The following TENM4 variants were observed in gnomAD, a reference collection of about 807,000 sequenced individuals.
TENM4 encodes the protein teneurin-4.
TENM4 carries 82 observed loss-of-function variants against 243.3 expected under a neutral mutation model. That is an observed-to-expected ratio of 0.34 (90% CI 0.28 to 0.40). The LOEUF is 0.40. TENM4 is among the 10% of genes least tolerant of loss of function. TENM4 has a pLI of 1.00. For synonymous variants in TENM4, 1,412 were observed against 1,456.3 expected (o/e 0.97, Z 0.69); for missense variants, 3,138 against 3,673.3 (o/e 0.85, Z 3.77).
chr11:78,782,108 G>A (rs575258194), intron 16 of TENM4, among the ~76,000 whole-genome samples: 80 of 152,154 alleles, frequency 5.3e-4, no homozygotes, highest in Non-Finnish European at 9.6e-4. Context: ...GTGATTTGTG[G>A]GCTCTTGGTT....
At chr11:78,671,948 C>G in intron 31 of TENM4, 85 bp downstream of exon 31, 1 of 1,483,158 alleles carries the variant, frequency 6.7e-7, no homozygotes, top group Non-Finnish European at 9.1e-7. Flanking sequence ...AGATACAGCC[C>G]ACTGAGGCCA....
In TENM4 at chr11:78,670,117, C is replaced by T. The variant is rs759353141; in HGVS notation, c.6228G>A (p.Met2076Ile). 2.1e-5 allele frequency: 34 copies of T among 1,613,810 alleles called. No individual in the cohort carries two copies. The highest frequency in any genetic ancestry group is 2.8e-5 in the Non-Finnish European group (33 of 1,179,900). The change falls in exon 32 of 34, where the codon ATG becomes ATA. Residue 2076 changes from methionine to isoleucine, a missense_variant. By Grantham distance (10) the Met-to-Ile change is conservative. This residue lies in a region of TENM4 where 2,467 missense variants were observed against 3,059.1 expected (regional missense o/e 0.81). Coordinates refer to ENST00000278550, the MANE Select transcript of TENM4 (RefSeq NM_001098816.3). Reference protein sequence around the residue: ...RQIFRFTEEGMVNARFDYNYD... With the variant: ...RQIFRFTEEGIVNARFDYNYD... ...AGTTGTAGTCAAAACGGGCGTTGAC[C>T]ATGCCTTCCTCAGTGAAGCGGAAGA...
chr11:79,315,635 C>T (rs1856791046), intron 1 of TENM4, among the ~76,000 whole-genome samples: 1 of 152,182 alleles, frequency 6.6e-6, no homozygotes, highest in African/African-American at 2.4e-5. Context: ...AATCGTGGGT[C>T]CCACCCAGGA....
intron 6 of TENM4, among the ~76,000 whole-genome samples, chr11:78,994,066 T>C (rs1411593468): frequency 6.6e-6 from 1 of 152,210 alleles, no homozygotes; most frequent in African/African-American, 2.4e-5. Flanking sequence ...CACCATTAGA[T>C]TAGGCCTAAA....
chr11:79,193,643 A>T (rs753541348), intron 3 of TENM4, among the ~76,000 whole-genome samples: 51 of 152,200 alleles, frequency 3.4e-4, no homozygotes, highest in Non-Finnish European at 5.1e-4. Context: ...TCCACATAGC[A>T]GGGTCCCTGA....
At chr11:78,768,631 C>A (rs11821938) in intron 18 of TENM4, among the ~76,000 whole-genome samples, 2 of 152,172 alleles carry the variant, frequency 1.3e-5, no homozygotes, top group East Asian at 1.9e-4. Context: ...GAATAAACTA[C>A]GTGCAAGCTC....
intron 3 of TENM4, among the ~76,000 whole-genome samples, chr11:79,184,422 A>G (rs942703550): frequency 3.3e-5 from 5 of 151,908 alleles, no homozygotes; most frequent in African/African-American, 1.2e-4. Flanking sequence ...TAATGCCCCC[A>G]CTGATCTGAT....
chr11:79,408,057 C>T (rs1015726927), intron 1 of TENM4, among the ~76,000 whole-genome samples: 3 of 152,104 alleles, frequency 2.0e-5, no homozygotes, highest in Admixed American at 2.0e-4. Context: ...GCACCGGTCA[C>T]CACGCCCAGC....
chr11:78,924,119 T>G (rs1856505996), intron 6 of TENM4, among the ~76,000 whole-genome samples: 1 of 152,226 alleles, frequency 6.6e-6, no homozygotes, highest in East Asian at 1.9e-4. Context: ...CCTCCCAAAG[T>G]GCTGGGATTA....
chr11:78,738,829 A>C (rs575596772), intron 19 of TENM4, among the ~76,000 whole-genome samples: 1 of 152,356 alleles, frequency 6.6e-6, no homozygotes, highest in South Asian at 2.1e-4. Flanking sequence ...TTCTAAGGAT[A>C]CTGTATTATG....
intron 2 of TENM4, among the ~76,000 whole-genome samples, chr11:79,255,137 A>T (rs1298654973): frequency 6.6e-6 from 1 of 152,224 alleles, no homozygotes; most frequent in Admixed American, 6.5e-5. Flanking sequence ...AAATCTCCCC[A>T]CAGTTAGGGA....
At chr11:78,693,944 G>A (rs940112000) in intron 28 of TENM4, among the ~76,000 whole-genome samples, 3 of 152,090 alleles carry the variant, frequency 2.0e-5, no homozygotes, top group African/African-American at 7.2e-5. Context: ...GAACCCGGGA[G>A]ACAGAGGTTG....
intron 12 of TENM4, among the ~76,000 whole-genome samples, chr11:78,844,179 T>C (rs1487176210): frequency 1.3e-5 from 2 of 152,234 alleles, no homozygotes; most frequent in Admixed American, 6.5e-5. Flanking sequence ...TACTATCTTA[T>C]GGTCTTCTCA....
intron 4 of TENM4, among the ~76,000 whole-genome samples, chr11:79,112,962 T>C (rs1861538382): frequency 6.6e-6 from 1 of 152,172 alleles, no homozygotes; most frequent in Admixed American, 6.5e-5. Flanking sequence ...CATCAAGCAC[T>C]AACTTGTCCT....
At chr11:79,159,095 G>T (rs927224069) in intron 3 of TENM4, among the ~76,000 whole-genome samples, 3 of 152,158 alleles carry the variant, frequency 2.0e-5, no homozygotes, top group African/African-American at 7.2e-5. Context: ...CCTCTTCTGT[G>T]GTGGTGACCC....
At chr11:78,963,719 C>T (rs1479949559) in intron 6 of TENM4, among the ~76,000 whole-genome samples, 10 of 134,936 alleles carry the variant, frequency 7.4e-5, no homozygotes, top group Non-Finnish European at 1.2e-4. Context: ...TAGGATTTGG[C>T]AGGTTCCATG....
intron 4 of TENM4, among the ~76,000 whole-genome samples, chr11:79,079,347 C>G (rs562583855): frequency 6.6e-6 from 1 of 152,170 alleles, no homozygotes; most frequent in Non-Finnish European, 1.5e-5. Flanking sequence ...TGGGAGGGCT[C>G]CCCCCAGAGC....
chr11:78,986,369 G>GT (rs1857918525), intron 6 of TENM4, among the ~76,000 whole-genome samples: 2 of 152,158 alleles, frequency 1.3e-5, no homozygotes, highest in African/African-American at 4.8e-5. Context: ...CCCTTCTGTG[G>GT]TTTTCAGTAC....
At chr11:79,221,040 T>A (rs1421302929) in intron 2 of TENM4, 1 of 152,252 alleles carries the variant, frequency 6.6e-6, no homozygotes, top group African/African-American at 2.4e-5. Flanking sequence ...GCCAGCATTT[T>A]CAATAACATC....
Sources: allele counts gnomAD v4.1 joint callset (sites outside exome capture counted in the v4.1 genomes callset), GRCh38; gene constraint gnomAD v4.1.1; regional missense constraint gnomAD v4.1.1; transcripts MANE v1.5; gene names NCBI Gene and HGNC (gene_info 2026-07-23, HGNC 2026-07-21).